AMMECR1: variants seen among roughly 807,000 people sequenced by gnomAD.
AMMECR1 encodes the protein AMMECR nuclear protein 1.
Under a neutral mutation model 22.5 loss-of-function variants are expected in AMMECR1, and 3 were observed. The observed-to-expected ratio is 0.13, with a 90% confidence interval of 0.06 to 0.35. The LOEUF is 0.35. Among genes scored for constraint, AMMECR1 ranks in the 10% least tolerant of loss-of-function variants. AMMECR1 has a pLI of 1.00. For missense variants in AMMECR1, 235 were observed against 278.7 expected (o/e 0.84, Z 1.12); for synonymous variants, 130 against 116.7 (o/e 1.11, Z -0.74).
At chrX:110,230,618 C>G (rs1459505853) in intron 2 of AMMECR1, among the ~76,000 whole-genome samples, 1 of 111,994 alleles carries the variant, frequency 8.9e-6, no homozygotes, top group East Asian at 2.8e-4. Context: ...GAGAGCACCT[C>G]TTCTCCTCCA....
At chrX:110,232,399 C>T (rs1341404454) in intron 2 of AMMECR1, among the ~76,000 whole-genome samples, 1 of 112,096 alleles carries the variant, frequency 8.9e-6, no homozygotes, top group Non-Finnish European at 1.9e-5. Context: ...AACTGAACAA[C>T]TTGCTCCTGA....
intron 2 of AMMECR1, among the ~76,000 whole-genome samples, chrX:110,232,236 C>A (rs770394581): frequency 8.9e-6 from 1 of 112,019 alleles, no homozygotes; most frequent in South Asian, 3.8e-4. Flanking sequence ...CTACATCACA[C>A]TTATTCTAAA....
At chrX:110,333,138 T>C (rs1324994858) in intron 2 of AMMECR1, among the ~76,000 whole-genome samples, 2 of 111,823 alleles carry the variant, frequency 1.8e-5, no homozygotes, top group African/African-American at 6.5e-5. Flanking sequence ...GAAAGTTGTG[T>C]TCTGGGTATC....
At chrX:110,310,381 T>G (rs1190838541) in intron 1 of AMMECR1, among the ~76,000 whole-genome samples, 2 of 111,347 alleles carry the variant, frequency 1.8e-5, no homozygotes, top group Non-Finnish European at 3.8e-5. Flanking sequence ...TTTGTTTTTT[T>G]TTTTCCTGCA....
chrX:110,256,658 A>G (rs771069095), intron 2 of AMMECR1, among the ~76,000 whole-genome samples: 20 of 111,712 alleles, frequency 1.8e-4, no homozygotes, highest in Non-Finnish European at 2.8e-4. Context: ...TAGCATTTAA[A>G]GATCAACAAA....
chrX:110,204,765 G>A (rs909520166), intron 3 of AMMECR1, among the ~76,000 whole-genome samples: 3 of 111,562 alleles, frequency 2.7e-5, no homozygotes, highest in Non-Finnish European at 1.9e-5. Flanking sequence ...TCACAATAAA[G>A]CTGTGTGTGT....
rs571807441 is a variant in AMMECR1 at position 110,329,623 on chromosome X, A to G, written c.-147-11774T>C. ...CATAATTTTTCCCTATATTAATGGT[A>G]TGTCATTTTTTTAAACCGTTAATAC... On this transcript the variant is annotated intron_variant, in intron 2 of 7. Coordinates refer to the AMMECR1 transcript ENST00000372057. Among the ~76,000 whole-genome samples the G allele has an allele frequency of 1.8e-3, 207 of 111,930 alleles. 6 individuals are homozygous for G. In the South Asian group the frequency reaches 0.077, roughly 42 times the overall value.
chrX:110,346,793 A>G (rs1424641802), intron 2 of AMMECR1: 1 of 744,653 alleles, frequency 1.3e-6, no homozygotes, highest in Admixed American at 2.2e-5. Context: ...CATTCTGCAG[A>G]CAGAATTGTT....
chrX:110,371,216 C>T (rs199500419), intron 2 of AMMECR1, among the ~76,000 whole-genome samples: 1 of 110,167 alleles, frequency 9.1e-6, no homozygotes, highest in Non-Finnish European at 1.9e-5. Context: ...CTTTGTGTAC[C>T]CCCCGAGACT....
At chrX:110,339,973 T>TAC (rs35459612) in intron 2 of AMMECR1, among the ~76,000 whole-genome samples, 10,447 of 78,574 alleles carry the variant, frequency 0.13, 555 homozygotes, top group African/African-American at 0.16. Flanking sequence ...AGGCAAAACA[T>TAC]ACACACACAC....
intron 1 of AMMECR1, among the ~76,000 whole-genome samples, chrX:110,269,951 T>C (rs2067790039): frequency 9.0e-6 from 1 of 111,671 alleles, no homozygotes; most frequent in Non-Finnish European, 1.9e-5. Context: ...AAGCCCAAGA[T>C]TAAGGTACTG....
intron 2 of AMMECR1, among the ~76,000 whole-genome samples, chrX:110,399,609 G>A (rs1486111972): frequency 8.9e-6 from 1 of 112,428 alleles, no homozygotes; most frequent in Non-Finnish European, 1.9e-5. Context: ...CATGTTAGGA[G>A]AGCTGATGTG....
intron 2 of AMMECR1, among the ~76,000 whole-genome samples, chrX:110,245,283 C>A (rs2067653073): frequency 8.9e-6 from 1 of 111,945 alleles, no homozygotes; most frequent in Admixed American, 9.5e-5. Context: ...CTTCTGTAAC[C>A]CCCTCAAATG....
At chrX:110,211,397 C>T (rs1000658977) in intron 3 of AMMECR1, among the ~76,000 whole-genome samples, 2 of 112,141 alleles carry the variant, frequency 1.8e-5, no homozygotes, top group Admixed American at 1.9e-4. Flanking sequence ...AGTCAAGCTC[C>T]AGTCCATTGT....
intron 1 of AMMECR1, among the ~76,000 whole-genome samples, chrX:110,432,574 C>G (rs919349991): frequency 8.9e-6 from 1 of 112,055 alleles, no homozygotes; most frequent in African/African-American, 3.2e-5. Flanking sequence ...TCATTGCTAT[C>G]ACTCTATTTT....
chrX:110,306,066 G>T (rs2067993056), intron 1 of AMMECR1, among the ~76,000 whole-genome samples: 1 of 111,027 alleles, frequency 9.0e-6, no homozygotes, highest in Non-Finnish European at 1.9e-5. Context: ...CGGATCACGA[G>T]GTCAGGAGAT....
chrX:110,385,058 C>G (rs2068445740), intron 2 of AMMECR1, among the ~76,000 whole-genome samples: 1 of 111,296 alleles, frequency 9.0e-6, no homozygotes, highest in Admixed American at 9.6e-5. Context: ...CTATTCAGTT[C>G]TGATGTAGCA....
chrX:110,434,856 G>T (rs775905547), intron 1 of AMMECR1, among the ~76,000 whole-genome samples: 38 of 110,254 alleles, frequency 3.4e-4, no homozygotes, highest in African/African-American at 1.2e-3. Flanking sequence ...CAGGGCAAGG[G>T]CTAGGGACAG....
intron 2 of AMMECR1, among the ~76,000 whole-genome samples, chrX:110,380,231 A>G (rs1602949450): frequency 8.9e-6 from 1 of 112,245 alleles, no homozygotes; most frequent in Non-Finnish European, 1.9e-5. Flanking sequence ...ACAGAACACA[A>G]AAGGATTAGA....
Sources: allele counts gnomAD v4.1 joint callset (sites outside exome capture counted in the v4.1 genomes callset), GRCh38; gene constraint gnomAD v4.1.1; transcripts MANE v1.5; gene names NCBI Gene and HGNC (gene_info 2026-07-23, HGNC 2026-07-21).